Variants in DCAF1 observed in about 807,000 individuals in gnomAD.
DCAF1 encodes the protein DDB1 and CUL4 associated factor 1.
DCAF1 carries 15 observed loss-of-function variants against 128.0 expected under a neutral mutation model. The ratio of observed to expected loss-of-function variants is 0.12; its 90% confidence interval spans 0.08 to 0.18. The LOEUF (loss-of-function observed/expected upper bound fraction) is 0.18. DCAF1 is among the 10% of genes least tolerant of loss of function. The pLI is 1.00. For missense variants in DCAF1, 988 were observed against 1,649.5 expected (o/e 0.60, Z 6.95); for synonymous variants, 610 against 603.0 (o/e 1.01, Z -0.17).
chr3:51,446,750 C>T (rs1437718068), intron 6 of DCAF1, among the ~76,000 whole-genome samples: 1 of 151,922 alleles, frequency 6.6e-6, no homozygotes, highest in African/African-American at 2.4e-5. Flanking sequence ...ACCTTGAGGA[C>T]AGGAGTTCAA....
At position 51,439,718 on chromosome 3, in the gene DCAF1, G is replaced by A. The variant is rs114247201; in HGVS notation, c.1128+1252C>T. Among the ~76,000 whole-genome samples the A allele has an allele frequency of 3.9e-3, 587 of 152,130 alleles. 2 individuals carry two copies. The highest frequency in any genetic ancestry group is 0.013 in the African/African-American group (539 of 41,496). On this transcript the variant is annotated intron_variant, in intron 9 of 24. Coordinates refer to ENST00000684031, the MANE Select transcript of DCAF1 (RefSeq NM_001387579.1). ...TTAAAAAATTTTTTTGTGGCCAGGC[G>A]TGATGGCTCACTCCTGTAATCCCTA...
chr3:51,473,336 T>C (rs1373764902), intron 3 of DCAF1, among the ~76,000 whole-genome samples: 2 of 148,806 alleles, frequency 1.3e-5, no homozygotes, highest in East Asian at 4.0e-4. Context: ...GACAAGCCAA[T>C]ACAAGACTAT....
intron 2 of DCAF1, among the ~76,000 whole-genome samples, chr3:51,485,878 ATTATTTATTT>A (rs1173239749): frequency 8.8e-6 from 1 of 114,028 alleles, no homozygotes; most frequent in Non-Finnish European, 1.7e-5. Context: ...AATCAAAAAG[ATTATTTATTT>A]TTTTTTTTTT....
chr3:51,413,646 AACAAC>A (rs1159043855), intron 20 of DCAF1, among the ~76,000 whole-genome samples: 1 of 152,230 alleles, frequency 6.6e-6, no homozygotes, highest in Non-Finnish European at 1.5e-5. Flanking sequence ...CAAGGCTTAT[AACAAC>A]ACAAGAGGAC....
intron 6 of DCAF1, among the ~76,000 whole-genome samples, chr3:51,459,465 T>C (rs1263469702): frequency 6.6e-6 from 1 of 152,188 alleles, no homozygotes; most frequent in Non-Finnish European, 1.5e-5. Context: ...CACAGCCGAA[T>C]TCTACCAGAG....
At chr3:51,436,457 CATAACCCTT>C (rs782002111) in intron 9 of DCAF1, 1 of 519,552 alleles carries the variant, frequency 1.9e-6, no homozygotes, top group Non-Finnish European at 3.9e-6. Flanking sequence ...CCATGTCAGC[CATAACCCTT>C]ATTCTTGTAC....
chr3:51,495,695 C>A (rs191283492), intron 2 of DCAF1, among the ~76,000 whole-genome samples: 1 of 152,132 alleles, frequency 6.6e-6, no homozygotes, highest in African/African-American at 2.4e-5. Context: ...GAGTTTGAGA[C>A]CAGCCTGGAC....
chr3:51,493,737 C>T (rs1707924555), intron 2 of DCAF1, among the ~76,000 whole-genome samples: 1 of 152,106 alleles, frequency 6.6e-6, no homozygotes, highest in African/African-American at 2.4e-5. Flanking sequence ...GTGGCTCACA[C>T]CTGTAACCCC....
At chr3:51,502,194 G>A (rs1479630491), upstream of DCAF1, among the ~76,000 whole-genome samples, 5 of 152,116 alleles carry the variant, frequency 3.3e-5, no homozygotes, top group East Asian at 3.8e-4. Flanking sequence ...CTTAGCTCAC[G>A]CGCTCCTGGC....
chr3:51,488,822 G>C (rs917181026), intron 2 of DCAF1, among the ~76,000 whole-genome samples: 3 of 151,792 alleles, frequency 2.0e-5, no homozygotes, highest in Non-Finnish European at 4.4e-5. Context: ...AAAATTATCC[G>C]GGCGTGGTGG....
At chr3:51,448,127 T>C in intron 6 of DCAF1, among the ~76,000 whole-genome samples, 1 of 152,202 alleles carries the variant, frequency 6.6e-6, no homozygotes, top group East Asian at 1.9e-4. Context: ...TTCCTGAATC[T>C]GAATGGTGAT....
At position 51,418,673 on chromosome 3, in the gene DCAF1, CT is replaced by C. The variant is rs1699120914; in HGVS notation, c.3435+4del. ...ACTGAGAGCATCCTAGGAAGGAACC[CT>C]TACCCTGGAAGGTTCAAGATGTGTG... On this transcript the variant is annotated splice_donor_region_variant and intron_variant, in intron 16 of 24. Transcript: ENST00000684031. 6.2e-7 allele frequency: 1 copy of C among 1,607,840 alleles called. No homozygotes were observed. Among genetic ancestry groups the C allele is most frequent in the Admixed American group, 1.7e-5 (1 of 59,202 alleles).
At chr3:51,494,587 G>C (rs1375686615) in intron 2 of DCAF1, among the ~76,000 whole-genome samples, 1 of 152,170 alleles carries the variant, frequency 6.6e-6, no homozygotes, top group Admixed American at 6.6e-5. Flanking sequence ...TGATCCAGAA[G>C]AGACTGCTTC....
At chr3:51,492,108 G>A (rs543890423) in intron 2 of DCAF1, among the ~76,000 whole-genome samples, 4 of 150,222 alleles carry the variant, frequency 2.7e-5, no homozygotes, top group South Asian at 2.1e-4. Flanking sequence ...GCAGTGAGCC[G>A]AGACTGCACC....
At chr3:51,419,597 G>T in intron 15 of DCAF1, 137 bp downstream of exon 15, 1 of 1,415,656 alleles carries the variant, frequency 7.1e-7, no homozygotes, top group Non-Finnish European at 9.3e-7. Flanking sequence ...ACAAAAGGTG[G>T]TACAATTACA....
chr3:51,411,850 T>G (rs1461007942), intron 23 of DCAF1, among the ~76,000 whole-genome samples: 3 of 151,916 alleles, frequency 2.0e-5, no homozygotes, highest in African/African-American at 7.3e-5. Flanking sequence ...TGGCTCATGC[T>G]TATACTCCAC....
chr3:51,469,951 G>A (rs1157419230), intron 4 of DCAF1, among the ~76,000 whole-genome samples: 1 of 152,150 alleles, frequency 6.6e-6, no homozygotes, highest in Non-Finnish European at 1.5e-5. Flanking sequence ...AACCCAAGAA[G>A]CAGTGGTTGC....
intron 17 of DCAF1, 69 bp downstream of exon 17, chr3:51,418,047 G>A: frequency 6.5e-7 from 1 of 1,537,628 alleles, no homozygotes; most frequent in Non-Finnish European, 8.8e-7. Flanking sequence ...TCCAGTCTAA[G>A]AACCAAATGA....
intron 2 of DCAF1, among the ~76,000 whole-genome samples, chr3:51,496,153 G>T (rs974054091): frequency 6.6e-6 from 1 of 151,974 alleles, no homozygotes; most frequent in Non-Finnish European, 1.5e-5. Context: ...TAGGCCGGGC[G>T]CAGTGGCTCA....
Sources: allele counts gnomAD v4.1 joint callset (sites outside exome capture counted in the v4.1 genomes callset), GRCh38; gene constraint gnomAD v4.1.1; transcripts MANE v1.5; gene names NCBI Gene and HGNC (gene_info 2026-07-23, HGNC 2026-07-21).